ZMYND11: variants seen among roughly 807,000 people sequenced by gnomAD.
The protein encoded by ZMYND11 is zinc finger MYND domain-containing protein 11.
In ZMYND11, 9 loss-of-function variants were observed where a neutral mutation model predicts 84.9. The observed-to-expected ratio is 0.11, with a 90% CI of 0.06 to 0.18. ZMYND11 has a LOEUF of 0.18. Ranked by LOEUF, ZMYND11 falls within the 10% of genes least tolerant of loss-of-function variation. The pLI is 1.00. For missense variants in ZMYND11, 409 were observed against 761.0 expected (o/e 0.54, Z 5.44); for synonymous variants, 250 against 244.1 (o/e 1.02, Z -0.23).
chr10:152,094 C>T (rs1840522381), intron 1 of ZMYND11, among the ~76,000 whole-genome samples: 1 of 152,166 alleles, frequency 6.6e-6, no homozygotes, highest in African/African-American at 2.4e-5. Context: ...ACAACTGGTA[C>T]CAGTCACTGC....
intron 1 of ZMYND11, among the ~76,000 whole-genome samples, chr10:158,381 C>G (rs1564286655): frequency 6.8e-6 from 1 of 146,620 alleles, no homozygotes; most frequent in Admixed American, 6.8e-5. Context: ...GTACCAGTTT[C>G]TATTATTCTA....
intron 1 of ZMYND11, among the ~76,000 whole-genome samples, chr10:172,183 G>A (rs79352111): frequency 7.9e-5 from 12 of 152,122 alleles, no homozygotes; most frequent in African/African-American, 1.7e-4. Flanking sequence ...TCGTAATGCC[G>A]TCACCTTGGG....
At chr10:169,549 A>G (rs1235620198) in intron 1 of ZMYND11, among the ~76,000 whole-genome samples, 2 of 152,192 alleles carry the variant, frequency 1.3e-5, no homozygotes, top group African/African-American at 4.8e-5. Context: ...ATGCCAAAAC[A>G]TGGGCAACAA....
intron 2 of ZMYND11, among the ~76,000 whole-genome samples, chr10:203,802 C>A (rs1334553943): frequency 6.6e-6 from 1 of 152,144 alleles, no homozygotes; most frequent in African/African-American, 2.4e-5. Flanking sequence ...TCTGCAGTTT[C>A]TGGAAGGAAT....
intron 4 of ZMYND11, among the ~76,000 whole-genome samples, chr10:226,321 C>T (rs1194260771): frequency 1.3e-5 from 2 of 152,154 alleles, no homozygotes; most frequent in Non-Finnish European, 2.9e-5. Context: ...TCTAATGCCT[C>T]ATAAAAAGTC....
At chr10:191,493 C>T (rs1940380956) in intron 2 of ZMYND11, among the ~76,000 whole-genome samples, 1 of 152,070 alleles carries the variant, frequency 6.6e-6, no homozygotes, top group African/African-American at 2.4e-5. Flanking sequence ...ATTATTTATC[C>T]CAGGTCACGT....
At position 252,578 on chromosome 10, in the gene ZMYND11, C is replaced by A. The variant is rs973151867; in HGVS notation, c.*108C>A. ...GAATTTGCTTCCCATTTTGCACCAG[C>A]CTTTAAACACTTTTCGTGAAGAAAT... On this transcript the variant is annotated 3_prime_UTR_variant, in exon 15 of 15. Coordinates refer to ENST00000381604, the MANE Select transcript of ZMYND11 (RefSeq NM_001370100.5). This position sits in a 1 kb window ranked among gnomAD's most constrained non-coding sequence, Gnocchi z 4.6. The A allele has an allele frequency of 7.0e-7, 1 of 1,437,458 alleles. No homozygotes were observed. Among genetic ancestry groups the A allele is most frequent in the Non-Finnish European group, 9.2e-7 (1 of 1,091,064 alleles). The allele number at this position is 1,437,458 out of a possible 1,614,324, so 89.0% of individuals were successfully genotyped here.
At chr10:246,493 G>T (rs1952189923) in intron 10 of ZMYND11, among the ~76,000 whole-genome samples, 1 of 152,196 alleles carries the variant, frequency 6.6e-6, no homozygotes, top group African/African-American at 2.4e-5. Flanking sequence ...ATCCAGTTCT[G>T]AGAACTTTTG....
intron 3 of ZMYND11, among the ~76,000 whole-genome samples, chr10:215,190 A>G (rs1040185968): frequency 2.6e-5 from 4 of 152,218 alleles, no homozygotes; most frequent in Admixed American, 2.0e-4. Context: ...ATGACTTAAA[A>G]TATTAAAAAG....
intron 11 of ZMYND11, 40 bp downstream of exon 11, chr10:247,013 C>A: frequency 6.5e-7 from 1 of 1,530,596 alleles, no homozygotes; most frequent in Non-Finnish European, 8.9e-7. Flanking sequence ...TTCATTATTA[C>A]TTTTAAATGC....
chr10:253,050 T>C lies in ZMYND11; in HGVS notation c.*580T>C, dbSNP rs1953805722. ...ATATTTTTTCTTAAATATTTCCCAA[T>C]TGTGTTTTTCATTATTTCTTTTCAA... is the stretch of plus-strand genomic sequence containing the variant. On this transcript the variant is annotated 3_prime_UTR_variant, in exon 15 of 15. Transcript: ENST00000381604. The C allele has an allele frequency of 6.6e-6, 1 of 152,648 alleles. No individual in the cohort carries two copies. Among genetic ancestry groups the C allele is most frequent in the Non-Finnish European group, 1.5e-5 (1 of 68,042 alleles). The allele number at this position is 152,648 out of a possible 1,614,324, so 9.5% of individuals were successfully genotyped here.
intron 1 of ZMYND11, among the ~76,000 whole-genome samples, chr10:137,016 A>G (rs1836260303): frequency 6.6e-6 from 1 of 152,100 alleles, no homozygotes; most frequent in Non-Finnish European, 1.5e-5. Flanking sequence ...CATGTACAGT[A>G]TGTATACATT....
chr10:209,807 A>G (rs1003378389), intron 2 of ZMYND11, 82 bp from the exon 3 acceptor site: 35 of 1,373,776 alleles, frequency 2.5e-5, no homozygotes, highest in Middle Eastern at 2.1e-4. Flanking sequence ...AATGAAAGAA[A>G]TTACCACCAT....
intron 4 of ZMYND11, among the ~76,000 whole-genome samples, chr10:223,941 C>T (rs1030476542): frequency 6.6e-5 from 10 of 151,810 alleles, no homozygotes; most frequent in South Asian, 2.1e-4. Context: ...GAATAACTTT[C>T]TACTCTGTTT....
intron 10 of ZMYND11, 31 bp downstream of exon 10, chr10:242,170 A>G (rs1951090516): frequency 1.2e-6 from 2 of 1,612,558 alleles, no homozygotes; most frequent in Non-Finnish European, 1.7e-6. Flanking sequence ...CAGCGGTCAC[A>G]GCTGTGCTTA....
chr10:183,367 C>T (rs1397599353), intron 2 of ZMYND11, among the ~76,000 whole-genome samples: 1 of 151,998 alleles, frequency 6.6e-6, no homozygotes, highest in Non-Finnish European at 1.5e-5. Flanking sequence ...TTGATAGCTG[C>T]ATCTGGTGGC....
chr10:232,166 C>A (rs1949112931), intron 4 of ZMYND11, among the ~76,000 whole-genome samples: 1 of 152,222 alleles, frequency 6.6e-6, no homozygotes, highest in African/African-American at 2.4e-5. Context: ...TCAGAAGCTA[C>A]CTCTTTCTTA....
At chr10:180,493 G>A (rs866717340) in intron 2 of ZMYND11, among the ~76,000 whole-genome samples, 3 of 152,118 alleles carry the variant, frequency 2.0e-5, no homozygotes, top group African/African-American at 4.8e-5. Flanking sequence ...TCCGCTTCCC[G>A]GGTTCAAGTG....
intron 2 of ZMYND11, among the ~76,000 whole-genome samples, chr10:194,268 C>T (rs1941195032): frequency 6.7e-6 from 1 of 150,350 alleles, no homozygotes; most frequent in East Asian, 2.0e-4. Context: ...GGGACCCAGG[C>T]TGGTCTCGAA....
Sources: allele counts gnomAD v4.1 joint callset (sites outside exome capture counted in the v4.1 genomes callset), GRCh38; gene constraint gnomAD v4.1.1; non-coding constraint Gnocchi (gnomAD v3.1); transcripts MANE v1.5; gene names NCBI Gene and HGNC (gene_info 2026-07-23, HGNC 2026-07-21).